Variants in KIAA1217 observed in about 807,000 individuals in gnomAD.
The protein encoded by KIAA1217 is KIAA1217, also known as sickle tail protein homolog.
KIAA1217 carries 88 observed loss-of-function variants against 163.9 expected under a neutral mutation model. The ratio of observed to expected loss-of-function variants is 0.54; its 90% CI spans 0.45 to 0.64. The LOEUF is 0.64. Ranked by LOEUF, KIAA1217 falls within the 30% of genes least tolerant of loss-of-function variation. The probability of loss-of-function intolerance (pLI) is 0.00; values close to 1 mark genes in which losing one functional copy is unlikely to be tolerated. For missense variants in KIAA1217, 2,372 were observed against 2,475.0 expected, an observed-to-expected ratio of 0.96 and a Z score of 0.88; for synonymous variants, 903 against 923.1, an observed-to-expected ratio of 0.98 and a Z score of 0.39.
intron 3 of KIAA1217, among the ~76,000 whole-genome samples, chr10:24,388,214 C>A (rs1023532109): frequency 6.6e-6 from 1 of 152,254 alleles, no homozygotes; most frequent in South Asian, 2.1e-4. Flanking sequence ...GAGATACAGA[C>A]CAATGGAACA....
intron 2 of KIAA1217, among the ~76,000 whole-genome samples, chr10:24,287,917 T>A (rs1189835811): frequency 6.6e-6 from 1 of 152,234 alleles, no homozygotes; most frequent in East Asian, 1.9e-4. Context: ...GTTTTTCTTT[T>A]TAAATTGTTC....
chr10:24,264,733 A>G (rs1254926062), intron 2 of KIAA1217, among the ~76,000 whole-genome samples: 1 of 149,926 alleles, frequency 6.7e-6, no homozygotes, highest in African/African-American at 2.5e-5. Context: ...TTTAACCTGA[A>G]CTTACTTGCT....
chr10:24,488,470 C>T (rs947453017), intron 6 of KIAA1217, among the ~76,000 whole-genome samples: 10 of 152,060 alleles, frequency 6.6e-5, no homozygotes, highest in Non-Finnish European at 1.2e-4. Flanking sequence ...GCACAGGGCC[C>T]GGGGAGAAGA....
At chr10:23,956,540 C>A (rs1231321800) in intron 1 of KIAA1217, among the ~76,000 whole-genome samples, 2 of 152,224 alleles carry the variant, frequency 1.3e-5, no homozygotes, top group African/African-American at 4.8e-5. Context: ...TTACCAAATC[C>A]TGTTGACTCT....
rs367561942 is a variant in KIAA1217 at position 24,269,245 on chromosome 10, T to G, written c.354+49336T>G. ...AAAAAAAAAAAAAAGGATTGTGGCC[T>G]GGCGCAGTGGTTCACACTTGTAATC... On this transcript the variant is annotated intron_variant, in intron 2 of 20. Coordinates refer to ENST00000376454, the MANE Select transcript of KIAA1217 (RefSeq NM_019590.5). 4.3e-3 allele frequency among the ~76,000 whole-genome samples: 637 copies of G among 147,280 alleles called. 6 individuals are homozygous for G. Among genetic ancestry groups the G allele is most frequent in the African/African-American group, 0.015 (608 of 39,752 alleles).
At chr10:24,191,731 A>AT (rs2066729298) in intron 2 of KIAA1217, among the ~76,000 whole-genome samples, 1 of 152,174 alleles carries the variant, frequency 6.6e-6, no homozygotes. Flanking sequence ...CAAAGGACTT[A>AT]TTAGCAAGAG....
chr10:24,460,298 C>T (rs996740328), intron 5 of KIAA1217, among the ~76,000 whole-genome samples: 2 of 151,956 alleles, frequency 1.3e-5, no homozygotes, highest in African/African-American at 4.8e-5. Flanking sequence ...TAGCCTTACA[C>T]GTGAGAATTT....
In KIAA1217 at chr10:24,479,726, G is replaced by A. The variant is rs150531338; in HGVS notation, c.1679+5666G>A. Among the ~76,000 whole-genome samples the A allele has an allele frequency of 1.4e-3, 207 of 152,266 alleles. 1 individual carries two copies. The highest frequency in any genetic ancestry group is 0.01 in the Admixed American group (159 of 15,300). ...AGGGCATGGCCCTAGCTTCTGGCAA[G>A]GCCTTTTGTGCTGCATCATAGCATG... On this transcript the variant is annotated intron_variant, in intron 6 of 20. Transcript: ENST00000376454.
At chr10:24,422,275 A>G (rs542967087) in intron 3 of KIAA1217, among the ~76,000 whole-genome samples, 32 of 152,342 alleles carry the variant, frequency 2.1e-4, no homozygotes, top group Non-Finnish European at 2.6e-4. Context: ...GACATAGCCA[A>G]ACCATATCAT....
chr10:24,414,229 A>G (rs558370731), intron 3 of KIAA1217, among the ~76,000 whole-genome samples: 2 of 152,320 alleles, frequency 1.3e-5, no homozygotes, highest in African/African-American at 4.8e-5. Context: ...AGGTTGAATT[A>G]TCTTGTCCTG....
chr10:24,496,864 T>C (rs1592406918), intron 8 of KIAA1217, among the ~76,000 whole-genome samples: 1 of 152,342 alleles, frequency 6.6e-6, no homozygotes, highest in East Asian at 1.9e-4. Flanking sequence ...CCAGTGTCAT[T>C]TCCTCAGATA....
chr10:23,916,342 G>A (rs1177914558), intron 1 of KIAA1217, among the ~76,000 whole-genome samples: 1 of 152,140 alleles, frequency 6.6e-6, no homozygotes. Context: ...TGCTTTGCCT[G>A]TCTTACTCTG....
chr10:23,818,018 TATATACACAC>T (rs1457241578), intron 1 of KIAA1217, among the ~76,000 whole-genome samples: 1 of 132,928 alleles, frequency 7.5e-6, no homozygotes, highest in African/African-American at 3.0e-5. Context: ...TACACACATA[TATATACACAC>T]ATATATATAC....
intron 1 of KIAA1217, among the ~76,000 whole-genome samples, chr10:23,759,243 G>A (rs556126533): frequency 2.6e-5 from 4 of 152,042 alleles, no homozygotes; most frequent in Non-Finnish European, 5.9e-5. Context: ...AAAAATGCAA[G>A]TGTTTTTTGT....
intron 1 of KIAA1217, among the ~76,000 whole-genome samples, chr10:23,907,617 C>T (rs1320654038): frequency 6.6e-6 from 1 of 152,012 alleles, no homozygotes; most frequent in Admixed American, 6.6e-5. Flanking sequence ...AGAGAGAGAG[C>T]GATGTGCTCT....
chr10:24,327,706 G>A (rs1478482294), intron 2 of KIAA1217, among the ~76,000 whole-genome samples: 1 of 152,106 alleles, frequency 6.6e-6, no homozygotes, highest in African/African-American at 2.4e-5. Context: ...TCAAACTTCT[G>A]GACTCAAGGG....
chr10:24,326,187 C>T (rs560694137), intron 2 of KIAA1217, among the ~76,000 whole-genome samples: 43 of 152,252 alleles, frequency 2.8e-4, no homozygotes, highest in African/African-American at 9.1e-4. Context: ...ATTATTACTA[C>T]GGTATCTCTA....
intron 2 of KIAA1217, among the ~76,000 whole-genome samples, chr10:24,154,801 G>A (rs958580532): frequency 6.6e-6 from 1 of 151,934 alleles, no homozygotes; most frequent in Non-Finnish European, 1.5e-5. Context: ...CTCTGAAGTT[G>A]TCTAATCAGA....
intron 2 of KIAA1217, among the ~76,000 whole-genome samples, chr10:24,086,050 C>A (rs2061689533): frequency 6.6e-6 from 1 of 151,984 alleles, no homozygotes; most frequent in Non-Finnish European, 1.5e-5. Flanking sequence ...CACACCCCCA[C>A]CACACAGAAA....
Sources: allele counts gnomAD v4.1 joint callset (sites outside exome capture counted in the v4.1 genomes callset), GRCh38; gene constraint gnomAD v4.1.1; transcripts MANE v1.5; gene names NCBI Gene and HGNC (gene_info 2026-07-23, HGNC 2026-07-21).